PLA2G4A: variants seen among roughly 807,000 people sequenced by gnomAD.
PLA2G4A encodes the protein cytosolic phospholipase A2.
PLA2G4A carries 40 observed loss-of-function variants against 81.9 expected under a neutral mutation model. The observed-to-expected ratio is 0.49, with a 90% CI of 0.38 to 0.64. The LOEUF (loss-of-function observed/expected upper bound fraction) is 0.64, where lower values mean the gene tolerates loss of function less well. Among genes scored for constraint, PLA2G4A ranks in the 30% least tolerant of loss-of-function variants. The probability of loss-of-function intolerance (pLI) is 0.00; values close to 1 mark genes in which losing one functional copy is unlikely to be tolerated. For synonymous variants in PLA2G4A, 302 were observed against 296.9 expected (o/e 1.02, Z -0.18); for missense variants, 715 against 905.1 (o/e 0.79, Z 2.69).
intron 14 of PLA2G4A, among the ~76,000 whole-genome samples, chr1:186,957,918 A>G (rs1219813869): frequency 6.6e-6 from 1 of 152,210 alleles, no homozygotes; most frequent in Non-Finnish European, 1.5e-5. Context: ...ATCTATGTCT[A>G]AGGACATTTT....
chr1:186,979,638 C>A (rs1324757041), intron 17 of PLA2G4A, among the ~76,000 whole-genome samples, 166 bp downstream of exon 17: 5 of 152,140 alleles, frequency 3.3e-5, no homozygotes, highest in Non-Finnish European at 5.9e-5. Flanking sequence ...TTCAGAAGAA[C>A]CCTACAAAAC....
chr1:186,833,123 A>C (rs1651657854), intron 1 of PLA2G4A, among the ~76,000 whole-genome samples: 1 of 152,134 alleles, frequency 6.6e-6, no homozygotes, highest in South Asian at 2.1e-4. Context: ...AAGTTTTGTA[A>C]GGCTGGGTGC....
chr1:186,876,677 C>T (rs543039988), intron 3 of PLA2G4A, among the ~76,000 whole-genome samples: 44 of 152,236 alleles, frequency 2.9e-4, no homozygotes, highest in Admixed American at 2.5e-3. Flanking sequence ...TCTTCCCCAG[C>T]GATCACGCAG....
rs1657979534 is a variant in PLA2G4A at position 186,988,861 on chromosome 1, C to T, written c.*353C>T. The T allele has an allele frequency of 4.9e-6, 1 of 203,304 alleles. No individual in the cohort carries two copies. Among genetic ancestry groups the T allele is most frequent in the Admixed American group, 5.4e-5 (1 of 18,620 alleles). 12.6% of individuals were successfully genotyped at this position (203,304 alleles called of 1,614,324 possible). On this transcript the variant is annotated 3_prime_UTR_variant, in exon 18 of 18. Transcript: ENST00000367466. ...TTTAACAGTTCAATCTCAATAAGAC[C>T]TCGCATTATGTATGAATGTTATTCA... is the stretch of plus-strand genomic sequence containing the variant.
chr1:186,898,367 G>T (rs1654416680), intron 5 of PLA2G4A, among the ~76,000 whole-genome samples: 2 of 152,010 alleles, frequency 1.3e-5, no homozygotes, highest in Non-Finnish European at 2.9e-5. Flanking sequence ...AGTATCATGG[G>T]GTATCTATTC....
intron 7 of PLA2G4A, among the ~76,000 whole-genome samples, chr1:186,927,701 T>C (rs1655597741): frequency 6.6e-6 from 1 of 152,212 alleles, no homozygotes; most frequent in South Asian, 2.1e-4. Flanking sequence ...CCTTAAGTAA[T>C]TAATTCTCCG....
At chr1:186,861,739 G>T (rs1049626164) in intron 2 of PLA2G4A, among the ~76,000 whole-genome samples, 1 of 152,010 alleles carries the variant, frequency 6.6e-6, no homozygotes, top group African/African-American at 2.4e-5. Context: ...TTGGAGTCTG[G>T]ATTTGTGCCA....
At chr1:186,878,599 A>G (rs1653607381) in intron 3 of PLA2G4A, among the ~76,000 whole-genome samples, 1 of 151,774 alleles carries the variant, frequency 6.6e-6, no homozygotes, top group African/African-American at 2.4e-5. Context: ...TGTGTAGTGG[A>G]GAAATATAAT....
intron 1 of PLA2G4A, among the ~76,000 whole-genome samples, chr1:186,851,860 T>C (rs1164786940): frequency 6.6e-6 from 1 of 151,978 alleles, no homozygotes; most frequent in Non-Finnish European, 1.5e-5. Context: ...GTTTGTAAGA[T>C]GTGTGTAATA....
chr1:186,971,864 T>C (rs917764997), intron 15 of PLA2G4A, among the ~76,000 whole-genome samples: 4 of 152,104 alleles, frequency 2.6e-5, no homozygotes, highest in African/African-American at 9.6e-5. Context: ...ATTGGATATA[T>C]GCAATATGAT....
At chr1:186,849,916 G>A (rs867473444) in intron 1 of PLA2G4A, among the ~76,000 whole-genome samples, 1 of 152,200 alleles carries the variant, frequency 6.6e-6, no homozygotes, top group Non-Finnish European at 1.5e-5. Flanking sequence ...TGAATGAATA[G>A]AAGAGGTAAG....
At chr1:186,834,063 A>G (rs1481370677) in intron 1 of PLA2G4A, among the ~76,000 whole-genome samples, 2 of 152,212 alleles carry the variant, frequency 1.3e-5, no homozygotes, top group African/African-American at 2.4e-5. Flanking sequence ...ATTTTAGGTA[A>G]CAGTGTGCTT....
chr1:186,912,741 C>CATATATATGTATATATATACATAAGT (rs1558429934), intron 7 of PLA2G4A, among the ~76,000 whole-genome samples: 10 of 140,316 alleles, frequency 7.1e-5, no homozygotes, highest in Non-Finnish European at 1.5e-4. Flanking sequence ...CATATATATA[C>CATATATATGTATATATATACATAAGT]ATATATATGT....
At chr1:186,939,289 A>G in intron 9 of PLA2G4A, 59 bp downstream of exon 9, 2 of 687,380 alleles carry the variant, frequency 2.9e-6, no homozygotes, top group Non-Finnish European at 2.4e-6. Context: ...ATATTATAAT[A>G]TTATATTTTA....
At chr1:186,890,842 A>G (rs1184059070) in intron 3 of PLA2G4A, among the ~76,000 whole-genome samples, 1 of 136,012 alleles carries the variant, frequency 7.4e-6, no homozygotes, top group Non-Finnish European at 1.5e-5. Flanking sequence ...ACAGAGCAAG[A>G]CTCTGTCTCA....
At chr1:186,876,311 G>A (rs1653495811) in intron 3 of PLA2G4A, among the ~76,000 whole-genome samples, 1 of 152,078 alleles carries the variant, frequency 6.6e-6, no homozygotes, top group South Asian at 2.1e-4. Flanking sequence ...TGCTTTTTAT[G>A]TCTTTGAAGT....
At chr1:186,953,797 G>T (rs1012272863) in intron 13 of PLA2G4A, among the ~76,000 whole-genome samples, 1 of 152,156 alleles carries the variant, frequency 6.6e-6, no homozygotes, top group Non-Finnish European at 1.5e-5. Context: ...ATTATCAAAG[G>T]TATCCTGGTA....
In PLA2G4A at chr1:186,953,987, G is replaced by A. The variant is rs190490861; in HGVS notation, c.1337-2115G>A. The stretch of plus-strand genomic sequence containing the variant: ...TTGTCCTGTTTGGCATTAGAAAAGT[G>A]TAAGAGTAGAAAGTAGTGTATTTGT... On this transcript the variant is annotated intron_variant, in intron 13 of 17. Coordinates refer to ENST00000367466, the MANE Select transcript of PLA2G4A (RefSeq NM_024420.3). Among the ~76,000 whole-genome samples, 5 of 152,334 alleles carry A rather than the reference G, an allele frequency of 3.3e-5. No individual in the cohort carries two copies. The East Asian group carries it at 9.7e-4, about 29-fold the overall frequency.
At chr1:186,901,006 GT>G (rs1464072353) in intron 5 of PLA2G4A, among the ~76,000 whole-genome samples, 5 of 152,134 alleles carry the variant, frequency 3.3e-5, no homozygotes, top group Non-Finnish European at 5.9e-5. Flanking sequence ...AAAGAAGGGA[GT>G]TTTTATGGCT....
Sources: gnomAD v4.1 joint callset for allele counts (sites outside exome capture counted in the v4.1 genomes callset) on GRCh38, gnomAD v4.1.1 for gene constraint, MANE v1.5 for transcripts, NCBI Gene and HGNC (gene_info 2026-07-23, HGNC 2026-07-21) for gene names.